Variants in SPATA21 observed in about 807,000 individuals in gnomAD.
SPATA21 encodes spermatogenesis-associated protein 21.
A neutral mutation model predicts 54.8 loss-of-function variants in SPATA21; 47 were observed. The observed-to-expected ratio is 0.86, with a 90% CI of 0.68 to 1.09. The LOEUF is 1.09. SPATA21 is among the 50% of genes least tolerant of loss of function. The pLI is 0.00. For synonymous variants in SPATA21, 245 were observed against 235.3 expected (o/e 1.04, Z -0.38); for missense variants, 599 against 596.4 (o/e 1.00, Z -0.05).
chr1:16,429,745 A>T (rs1394995769), intron 3 of SPATA21, among the ~76,000 whole-genome samples: 1 of 150,344 alleles, frequency 6.7e-6, no homozygotes, highest in Non-Finnish European at 1.5e-5. Flanking sequence ...AAGTGCTGGG[A>T]TTACAGGCGT....
intron 5 of SPATA21, among the ~76,000 whole-genome samples, chr1:16,417,266 C>CT (rs200976360): frequency 0.02 from 2,998 of 151,462 alleles, 102 homozygotes; most frequent in African/African-American, 0.067. Flanking sequence ...TTTTCTTTGC[C>CT]TTTTTTCTTT....
chr1:16,425,072 C>T, intron 3 of SPATA21: 1 of 358,440 alleles, frequency 2.8e-6, no homozygotes, highest in Non-Finnish European at 5.6e-6. Context: ...GCATGTGCCA[C>T]CACACCCGGC....
chr1:16,417,282 C>G lies in SPATA21; in HGVS notation c.144+4227G>C, dbSNP rs550307525. ...TTTCTTTGCCTTTTTTCTTTTGAGA[C>G]GGAGTTTCACTCACTGCCTAGGCTA... On this transcript the variant is annotated intron_variant, in intron 5 of 12. Transcript: ENST00000335496. 1.4e-4 allele frequency among the ~76,000 whole-genome samples: 22 copies of G among 151,976 alleles called. No homozygotes were observed. In the East Asian group the frequency reaches 4.1e-3, roughly 28 times the overall value.
intron 1 of SPATA21, among the ~76,000 whole-genome samples, chr1:16,433,382 G>C (rs1411937085): frequency 6.6e-6 from 1 of 152,252 alleles, no homozygotes; most frequent in Non-Finnish European, 1.5e-5. Context: ...GTCACCTGGA[G>C]CGGAAAAGTC....
At position 16,409,831 on chromosome 1, in the gene SPATA21, C is replaced by G. The variant is rs146259783; in HGVS notation, c.357G>C (p.Pro119=). The G allele has an allele frequency of 6.3e-7, 1 of 1,598,952 alleles. No individual in the cohort carries two copies. The highest frequency in any genetic ancestry group is 1.7e-5 in the Admixed American group (1 of 57,416). ...GCAGGCTTGGAGCTGAGGTGGGCACCGGGGTCAGGGTCCTGGGCGACTTCT... is the reference window on the plus strand; with the variant it reads ...GCAGGCTTGGAGCTGAGGTGGGCACGGGGGTCAGGGTCCTGGGCGACTTCT... ...TAQKSPRTLT[P]VPTSAPSLPQ... Residue 119 remains proline (P), a synonymous_variant, in exon 6 of 13, where the codon CCG becomes CCC. Coordinates refer to ENST00000335496, the MANE Select transcript of SPATA21 (RefSeq NM_198546.1). This position sits in a 1 kb window ranked among gnomAD's most constrained non-coding sequence, Gnocchi z 4.1.
intron 7 of SPATA21, among the ~76,000 whole-genome samples, chr1:16,406,541 A>G (rs1356501213): frequency 1.3e-5 from 2 of 152,176 alleles, no homozygotes; most frequent in Non-Finnish European, 2.9e-5. Context: ...TGGGAGTCCG[A>G]GAACAGCCTG....
intron 10 of SPATA21, among the ~76,000 whole-genome samples, chr1:16,401,503 C>G (rs1421503905): frequency 6.6e-6 from 1 of 151,374 alleles, no homozygotes; most frequent in Non-Finnish European, 1.5e-5. Flanking sequence ...GCTGTGTTGC[C>G]CAGGCTGGTC....
intron 2 of SPATA21, among the ~76,000 whole-genome samples, chr1:16,431,773 C>T (rs557058548): frequency 6.6e-6 from 1 of 152,308 alleles, no homozygotes; most frequent in South Asian, 2.1e-4. Flanking sequence ...TATTCTTTGG[C>T]ATACTGGTCC....
intron 11 of SPATA21, among the ~76,000 whole-genome samples, chr1:16,400,260 G>A (rs1005530805): frequency 2.0e-5 from 3 of 152,058 alleles, no homozygotes; most frequent in African/African-American, 7.2e-5. Flanking sequence ...CAGGTGATCC[G>A]CCCACCTCGG....
Position 16,403,787 on chromosome 1 carries a change from A to T in SPATA21, c.941T>A (p.Ile314Asn). The T allele has an allele frequency of 6.2e-7, 1 of 1,613,588 alleles. No individual in the cohort carries two copies. Among genetic ancestry groups the T allele is most frequent in the Non-Finnish European group, 8.5e-7 (1 of 1,179,790 alleles). The change falls in exon 10 of 13, where the codon ATC becomes AAC. Residue 314 changes from isoleucine (I) to asparagine (N), a missense_variant. Ile to Asn is a moderately radical substitution (Grantham distance 149). Coordinates refer to ENST00000335496, the MANE Select transcript of SPATA21 (RefSeq NM_198546.1). ...CAGCATCTCTACCAGCAGGGACAGG[A>T]TCTCAAAGAGTAGAGTGTGGGGGTT... ...PHNPHTLLFE[I>N]LSLLVEMLAL...
intron 3 of SPATA21, among the ~76,000 whole-genome samples, chr1:16,427,181 C>T (rs1183850574): frequency 3.3e-5 from 5 of 152,074 alleles, no homozygotes; most frequent in Non-Finnish European, 7.3e-5. Flanking sequence ...GCAGTTTAAA[C>T]AAATTGCCAC....
At chr1:16,425,398 C>G in intron 3 of SPATA21, 1 of 1,101,342 alleles carries the variant, frequency 9.1e-7, no homozygotes, top group South Asian at 1.5e-5. Context: ...ACCCCTGCCT[C>G]AGCCTCCCAA....
chr1:16,426,631 A>G (rs2086333144), intron 3 of SPATA21, among the ~76,000 whole-genome samples: 2 of 132,984 alleles, frequency 1.5e-5, no homozygotes, highest in South Asian at 4.7e-4. Context: ...CCCAGGCTGG[A>G]GTGCAGTGGA....
chr1:16,404,068 A>G (rs1403783005), intron 8 of SPATA21, 29 bp from the exon 9 acceptor site: 20 of 1,549,160 alleles, frequency 1.3e-5, no homozygotes, highest in Non-Finnish European at 1.5e-5. Flanking sequence ...TAGGGTGGGC[A>G]GGGACCTTCG....
chr1:16,428,070 T>C lies in SPATA21; in HGVS notation c.34+3268A>G. On this transcript the variant is annotated intron_variant, in intron 3 of 12. Coordinates refer to ENST00000335496, the MANE Select transcript of SPATA21 (RefSeq NM_198546.1). This position sits in a 1 kb window ranked among gnomAD's most constrained non-coding sequence, Gnocchi z 4.3. Reference sequence around the variant, plus strand: ...GAGGGCTGGCATTGAGTACCCGTTCTGGAGTGATCCCTCCCACTCCTCCCT... The same window carrying C: ...GAGGGCTGGCATTGAGTACCCGTTCCGGAGTGATCCCTCCCACTCCTCCCT... 1 of 1,514,836 alleles carries C rather than the reference T, an allele frequency of 6.6e-7. No individual in the cohort carries two copies. The highest frequency in any genetic ancestry group is 2.5e-5 in the East Asian group (1 of 39,544). The allele number at this position is 1,514,836 out of a possible 1,614,324, so 93.8% of individuals were successfully genotyped here. A position where few individuals can be genotyped will look rare whatever the true frequency, so the allele number is the denominator to read the frequency against.
chr1:16,408,681 G>A (rs944878590), intron 7 of SPATA21: 1 of 197,276 alleles, frequency 5.1e-6, no homozygotes, highest in African/African-American at 2.4e-5. Context: ...AGACCAGCCT[G>A]GCCAACATGG....
At chr1:16,415,318 G>A (rs916377296) in intron 5 of SPATA21, among the ~76,000 whole-genome samples, 1 of 150,404 alleles carries the variant, frequency 6.6e-6, no homozygotes, top group Non-Finnish European at 1.5e-5. Flanking sequence ...AGCACTCTGG[G>A]TGGCAGAATG....
chr1:16,413,412 A>C (rs2670494), intron 5 of SPATA21, among the ~76,000 whole-genome samples: 117,015 of 152,112 alleles, frequency 0.77, 45,351 homozygotes, highest in East Asian at 0.99. Context: ...CATATCCATT[A>C]ATCTGTCAAT....
At position 16,409,507 on chromosome 1, in the gene SPATA21, A is replaced by C; in HGVS notation, c.587+94T>G. 1 of 1,297,832 alleles carries C rather than the reference A, an allele frequency of 7.7e-7. No individual in the cohort carries two copies. The highest frequency in any genetic ancestry group is 1.1e-6 in the Non-Finnish European group (1 of 943,786). The allele number at this position is 1,297,832 out of a possible 1,614,324, so 80.4% of individuals were successfully genotyped here. On this transcript the variant is annotated intron_variant, in intron 6 of 12. Coordinates refer to ENST00000335496, the MANE Select transcript of SPATA21 (RefSeq NM_198546.1). This position sits in a 1 kb window ranked among gnomAD's most constrained non-coding sequence, Gnocchi z 4.1. ...TGGAGAGAGGGGGACACACGAGGGA[A>C]CAGGCAGGTGCAGGGACAGGGACCT...
Sources: allele counts gnomAD v4.1 joint callset (sites outside exome capture counted in the v4.1 genomes callset), GRCh38; gene constraint gnomAD v4.1.1; non-coding constraint Gnocchi (gnomAD v3.1); transcripts MANE v1.5; gene names NCBI Gene and HGNC (gene_info 2026-07-23, HGNC 2026-07-21).